SLC45A2: variants seen among roughly 807,000 people sequenced by gnomAD.
The protein encoded by SLC45A2 is membrane-associated transporter protein.
A neutral mutation model predicts 45.5 loss-of-function variants in SLC45A2; 36 were observed. That is an observed-to-expected ratio of 0.79 (90% confidence interval 0.61 to 1.04). The LOEUF (loss-of-function observed/expected upper bound fraction) is 1.04. SLC45A2 is among the 50% of genes least tolerant of loss of function. The pLI is 0.00. For synonymous variants in SLC45A2, 306 were observed against 269.3 expected (o/e 1.14, Z -1.33); for missense variants, 719 against 671.0 (o/e 1.07, Z -0.79).
chr5:33,981,870 G>A (rs1046363819), intron 2 of SLC45A2, among the ~76,000 whole-genome samples: 10 of 152,210 alleles, frequency 6.6e-5, no homozygotes, highest in Non-Finnish European at 1.3e-4. Context: ...TGGAGAAGGA[G>A]CCCAGGCAAC....
chr5:33,968,028 A>G (rs1752654784), intron 2 of SLC45A2, among the ~76,000 whole-genome samples: 1 of 152,082 alleles, frequency 6.6e-6, no homozygotes. Flanking sequence ...AAGTAGTTGT[A>G]GCTGCAAGTT....
chr5:33,955,897 T>C (rs1752259746), intron 3 of SLC45A2, among the ~76,000 whole-genome samples: 1 of 152,160 alleles, frequency 6.6e-6, no homozygotes, highest in African/African-American at 2.4e-5. Context: ...ATCAAATTTA[T>C]GGTGAAGCTT....
At position 33,951,568 on chromosome 5, in the gene SLC45A2, GA is replaced by G. The variant is rs1561356877; in HGVS notation, c.1141del (p.Ser381ProfsTer17). The part of the protein sequence containing the change: ...CWGLCINSVF[S>X]SLYSYFQKVL... The stretch of plus-strand genomic sequence containing the variant: ...GAAAGACTTACAAGAATAAAGTGAG[GA>G]AAACACGGAGTTGATGCACAAGCCC... On this transcript the variant is annotated frameshift_variant, in exon 5 of 7. Coordinates refer to ENST00000296589, the MANE Select transcript of SLC45A2 (RefSeq NM_016180.5). LOFTEE classifies it high-confidence loss of function. 6.2e-7 allele frequency: 1 copy of G among 1,614,098 alleles called. No homozygotes were observed. The highest frequency in any genetic ancestry group is 2.2e-5 in the East Asian group (1 of 44,884).
At position 33,962,684 on chromosome 5, in the gene SLC45A2, A is replaced by C. The variant is rs146710196; in HGVS notation, c.888+1007T>G. 1.4e-4 allele frequency among the ~76,000 whole-genome samples: 21 copies of C among 152,342 alleles called. No individual in the cohort carries two copies. In the East Asian group the frequency reaches 4.0e-3, roughly 29 times the overall value. ...GTAGATGGAATTATTTTATCATTTAACACAAATGTAAATGCCCAAAGTCAT... is the reference window on the plus strand; with the variant it reads ...GTAGATGGAATTATTTTATCATTTACCACAAATGTAAATGCCCAAAGTCAT... On this transcript the variant is annotated intron_variant, in intron 3 of 6. Coordinates refer to ENST00000296589, the MANE Select transcript of SLC45A2 (RefSeq NM_016180.5).
intron 4 of SLC45A2, 116 bp from the exon 5 acceptor site, chr5:33,951,793 T>G: frequency 2.3e-6 from 3 of 1,278,048 alleles, no homozygotes; most frequent in Non-Finnish European, 3.4e-6. Flanking sequence ...GGACCCTTTC[T>G]AGAGTACAGA....
At chr5:33,982,952 C>T (rs1316997074) in intron 1 of SLC45A2, among the ~76,000 whole-genome samples, 1 of 152,216 alleles carries the variant, frequency 6.6e-6, no homozygotes, top group Non-Finnish European at 1.5e-5. Context: ...CACACGTGTA[C>T]AATGGTAGTC....
intron 3 of SLC45A2, among the ~76,000 whole-genome samples, chr5:33,955,594 C>T (rs1206778662): frequency 6.6e-6 from 1 of 152,086 alleles, no homozygotes; most frequent in Non-Finnish European, 1.5e-5. Flanking sequence ...ATGAGCCTTA[C>T]ATTGAGTTAG....
In SLC45A2 at chr5:33,944,934, C is replaced by T. The variant is rs1751879774; in HGVS notation, c.1369-62G>A. On this transcript the variant is annotated intron_variant, in intron 6 of 6. Transcript: ENST00000296589. ...AGGAACTGTCATTTAGGGCACAGGT[C>T]AGCAAAATTTTTCTGTGACCAGCCA... 10 of 1,532,066 alleles carry T rather than the reference C, an allele frequency of 6.5e-6. No individual in the cohort carries two copies. In the African/African-American group the frequency reaches 1.2e-4, roughly 19 times the overall value. The allele number at this position is 1,532,066 out of a possible 1,614,324, so 94.9% of individuals were successfully genotyped here. A position where few individuals can be genotyped will look rare whatever the true frequency, so the allele number is the denominator to read the frequency against.
intron 2 of SLC45A2, among the ~76,000 whole-genome samples, chr5:33,966,766 TAA>T (rs769940027): frequency 7.9e-5 from 12 of 152,342 alleles, no homozygotes; most frequent in Admixed American, 3.9e-4. Context: ...ATGAAAGTTA[TAA>T]GAGTTCAATA....
chr5:33,963,609 A>G (rs1752511286), intron 3 of SLC45A2, 82 bp downstream of exon 3: 20 of 1,475,018 alleles, frequency 1.4e-5, no homozygotes, highest in Non-Finnish European at 1.8e-5. Flanking sequence ...TCAAACAGAC[A>G]AAACAAACAA....
At chr5:33,977,606 C>A (rs772261870) in intron 2 of SLC45A2, among the ~76,000 whole-genome samples, 1 of 152,148 alleles carries the variant, frequency 6.6e-6, no homozygotes, top group Non-Finnish European at 1.5e-5. Context: ...TGAGCAAAGA[C>A]CCAGAACCTG....
chr5:33,957,198 C>T (rs924939285), intron 3 of SLC45A2, among the ~76,000 whole-genome samples: 2 of 152,122 alleles, frequency 1.3e-5, no homozygotes, highest in Non-Finnish European at 2.9e-5. Flanking sequence ...TGATTAGCTT[C>T]CCTGAAGACA....
At chr5:33,973,747 GT>G (rs1752849124) in intron 2 of SLC45A2, among the ~76,000 whole-genome samples, 1 of 152,216 alleles carries the variant, frequency 6.6e-6, no homozygotes, top group African/African-American at 2.4e-5. Context: ...CAAATAAAAT[GT>G]TTGCAGGCGT....
chr5:33,954,518 T>C lies in SLC45A2; in HGVS notation c.889-14A>G. On this transcript the variant is annotated splice_polypyrimidine_tract_variant and intron_variant, in intron 3 of 6. Transcript: ENST00000296589. The stretch of plus-strand genomic sequence containing the variant: ...TGCCCTGCGAGTCTGAAATAAAACA[T>C]GAAACAGAGGTGTGATCTTCACTGC... 1.2e-6 allele frequency: 2 copies of C among 1,613,174 alleles called. No individual in the cohort carries two copies.
rs191298210 is a variant in SLC45A2 at position 33,967,579 on chromosome 5, A to G, written c.563-3563T>C. Among the ~76,000 whole-genome samples the G allele has an allele frequency of 5.1e-3, 776 of 152,306 alleles. 5 individuals carry two copies. Among genetic ancestry groups the G allele is most frequent in the African/African-American group, 0.017 (720 of 41,574 alleles). On this transcript the variant is annotated intron_variant, in intron 2 of 6. Coordinates refer to ENST00000296589, the MANE Select transcript of SLC45A2 (RefSeq NM_016180.5). ...AAATGGTACTTTGTTGTCACAGGAT[A>G]TTTGACCCACAATTCATAACTGATA... is the stretch of plus-strand genomic sequence containing the variant.
rs1752301483 is a variant in SLC45A2, at chr5:33,957,254, G to T, written c.889-2750C>A. 1.3e-5 allele frequency among the ~76,000 whole-genome samples: 2 copies of T among 152,080 alleles called. 1 individual carries two copies. The highest frequency in any genetic ancestry group is 4.1e-4 in the South Asian group (2 of 4,832). On this transcript the variant is annotated intron_variant, in intron 3 of 6. Coordinates refer to ENST00000296589, the MANE Select transcript of SLC45A2 (RefSeq NM_016180.5). ...CACAATTTGGTAATTGGTCTTTCTT[G>T]TCATATTTTTATTTATTCTGAATCA... is the stretch of plus-strand genomic sequence containing the variant.
At position 33,955,283 on chromosome 5, in the gene SLC45A2, C is replaced by T. The variant is rs1298445227; in HGVS notation, c.889-779G>A. Among the ~76,000 whole-genome samples the T allele has an allele frequency of 2.6e-5, 4 of 152,208 alleles. No individual in the cohort carries two copies. In the South Asian group the frequency reaches 6.2e-4, roughly 24 times the overall value. ...ACCACATGGAACTGCATTCTGCCAACATCCTGAATGTGCTTTGAGGCGGGC... is the reference window on the plus strand; with the variant it reads ...ACCACATGGAACTGCATTCTGCCAATATCCTGAATGTGCTTTGAGGCGGGC... On this transcript the variant is annotated intron_variant, in intron 3 of 6. Transcript: ENST00000296589.
At chr5:33,971,038 CA>C in intron 2 of SLC45A2, 1 of 496,182 alleles carries the variant, frequency 2.0e-6, no homozygotes, top group African/African-American at 2.0e-5. Flanking sequence ...TTGTGAGTAA[CA>C]TGCTTAAACA....
At chr5:33,967,616 T>A (rs1752635887) in intron 2 of SLC45A2, among the ~76,000 whole-genome samples, 1 of 152,192 alleles carries the variant, frequency 6.6e-6, no homozygotes, top group Non-Finnish European at 1.5e-5. Flanking sequence ...AGCACAGTGA[T>A]TTGCAGTCCT....
Sources: gnomAD v4.1 joint callset for allele counts (sites outside exome capture counted in the v4.1 genomes callset) on GRCh38, gnomAD v4.1.1 for gene constraint, MANE v1.5 for transcripts, NCBI Gene and HGNC (gene_info 2026-07-23, HGNC 2026-07-21) for gene names.